FN1: variants seen among roughly 807,000 people sequenced by gnomAD.
FN1 encodes fibronectin 1.
Under a neutral mutation model 297.3 loss-of-function variants are expected in FN1, and 106 were observed. That is an observed-to-expected ratio of 0.36 (90% CI 0.30 to 0.42). The LOEUF is 0.42. FN1 is among the 10% of genes least tolerant of loss of function. The pLI is 1.00. For synonymous variants in FN1, 1,149 were observed against 1,152.6 expected (o/e 1.00, Z 0.06); for missense variants, 2,690 against 3,124.9 (o/e 0.86, Z 3.32).
At chr2:215,368,893 T>C (rs1212646912) in intron 41 of FN1, among the ~76,000 whole-genome samples, 1 of 152,196 alleles carries the variant, frequency 6.6e-6, no homozygotes, top group Admixed American at 6.5e-5. Context: ...CCCTAAAAAT[T>C]AGATAAACTA....
intron 26 of FN1, among the ~76,000 whole-genome samples, chr2:215,391,083 T>C (rs1226210879): frequency 1.3e-5 from 2 of 152,238 alleles, no homozygotes; most frequent in Admixed American, 6.5e-5. Context: ...CAGTTTTTTT[T>C]CTAAGCTCTC....
At chr2:215,364,666 T>C in intron 44 of FN1, 1 of 598,818 alleles carries the variant, frequency 1.7e-6, no homozygotes, top group Admixed American at 2.8e-5. Context: ...TCATTCATTC[T>C]TTCTACTAAG....
At chr2:215,362,280 C>T (rs1428802854) in intron 44 of FN1, 2 of 590,718 alleles carry the variant, frequency 3.4e-6, no homozygotes, top group African/African-American at 1.9e-5. Context: ...CTTATACCTA[C>T]ATCTGTCTCT....
In FN1 at chr2:215,435,706, C is replaced by G; in HGVS notation, c.97G>C (p.Ala33Pro). The G allele has an allele frequency of 1.2e-6, 2 of 1,612,858 alleles. No homozygotes were observed. The highest frequency in any genetic ancestry group is 1.7e-6 in the Non-Finnish European group (2 of 1,179,754). ...GACTGGGGCTGAACCATTTGCTGAG[C>G]CTGCCTCTTGCTCTTCGAGGCTCCC... ...STGASKSKRQ[A>P]QQMVQPQSPV... Residue 33 changes from alanine (A) to proline (P), a missense_variant, in exon 1 of 46, where the codon GCT becomes CCT. Physicochemically the swap from Ala to Pro is conservative, Grantham distance 27. This residue lies in a region of FN1 where 876 missense variants were observed against 1,058.1 expected (regional missense o/e 0.83). Transcript: ENST00000354785.
chr2:215,372,381 CGA>C lies in FN1; in HGVS notation c.6248-8_6248-7del. On this transcript the variant is annotated splice_region_variant and splice_polypyrimidine_tract_variant and intron_variant, in intron 39 of 45. Coordinates refer to ENST00000354785, the MANE Select transcript of FN1 (RefSeq NM_212482.4). ...TACCAGTTGGGGAAGCTCGTCTAGC[CGA>C]GAGAGGTTAGAGCCAAAAAAGCAAA... The C allele has an allele frequency of 6.2e-7, 1 of 1,612,892 alleles. No homozygotes were observed. The highest frequency in any genetic ancestry group is 8.5e-7 in the Non-Finnish European group (1 of 1,179,048).
intron 13 of FN1, among the ~76,000 whole-genome samples, chr2:215,411,918 T>G (rs1268793964): frequency 1.3e-5 from 2 of 152,056 alleles, no homozygotes; most frequent in Non-Finnish European, 2.9e-5. Flanking sequence ...CCGCCCACCT[T>G]GGCCTCCCAA....
chr2:215,392,439 C>G (rs917626054), intron 25 of FN1: 6 of 188,950 alleles, frequency 3.2e-5, no homozygotes, highest in South Asian at 9.9e-5. Context: ...GTTTACTTTT[C>G]TCCTACCTCA....
chr2:215,380,428 C>G (rs766210821), intron 33 of FN1: 19 of 264,944 alleles, frequency 7.2e-5, no homozygotes, highest in Non-Finnish European at 1.3e-4. Flanking sequence ...CAGAATCATG[C>G]TGCTATGAAA....
At position 215,409,736 on chromosome 2, in the gene FN1, T is replaced by C; in HGVS notation, c.2126A>G (p.Asn709Ser). The change falls in exon 15 of 46, where the codon AAC (asparagine) becomes AGC (serine). Residue 709 changes from asparagine (N) to serine (S), a missense_variant. Transcript: ENST00000354785. ...GGGAGTCGTCTCTCCTGTCACGGTG[T>C]TGCCTAGAGAGTCACAGAAAGGGGA... ...TTSTSTPVTS[N>S]TVTGETTPFS... is the part of the protein sequence containing the mutation. 1 of 1,613,826 alleles carries C rather than the reference T, an allele frequency of 6.2e-7. No individual in the cohort carries two copies. Among genetic ancestry groups the C allele is most frequent in the South Asian group, 1.1e-5 (1 of 91,060 alleles).
intron 40 of FN1, chr2:215,370,645 T>A (rs1455657046): frequency 2.0e-5 from 11 of 549,016 alleles, no homozygotes; most frequent in South Asian, 1.9e-4. Flanking sequence ...CTGCCAGATT[T>A]TCCTGCCAAC....
At chr2:215,401,263 G>GAAGGAAGGAAGGAAGGAAGGAAGGAAGGA (rs201679295) in intron 20 of FN1, among the ~76,000 whole-genome samples, 849 of 73,642 alleles carry the variant, frequency 0.012, 45 homozygotes, top group Non-Finnish European at 0.013. Context: ...AGAAAGAAAG[G>GAAGGAAGGAAGGAAGGAAGGAAGGAAGGA]AAGGAAAGGA....
intron 12 of FN1, among the ~76,000 whole-genome samples, chr2:215,415,798 C>T (rs988145326): frequency 9.2e-5 from 14 of 152,016 alleles, no homozygotes; most frequent in Non-Finnish European, 8.8e-5. Context: ...GCATCAATTT[C>T]TAAGTAGTGT....
At chr2:215,433,242 G>A (rs900638719) in intron 3 of FN1, 82 bp downstream of exon 3, 1 of 1,556,722 alleles carries the variant, frequency 6.4e-7, no homozygotes, top group Non-Finnish European at 8.9e-7. Flanking sequence ...ATCCAGTCAT[G>A]GATAACAGAA....
At chr2:215,378,038 C>A in intron 35 of FN1, 137 bp downstream of exon 35, 1 of 694,122 alleles carries the variant, frequency 1.4e-6, no homozygotes, top group Admixed American at 2.0e-5. Context: ...AAACTCCTGG[C>A]CTCAAGTGAC....
At chr2:215,402,698 C>G (rs1559481408) in intron 20 of FN1, among the ~76,000 whole-genome samples, 1 of 152,278 alleles carries the variant, frequency 6.6e-6, no homozygotes, top group East Asian at 1.9e-4. Flanking sequence ...TCTCAATTAT[C>G]TATTCACCAA....
At chr2:215,375,762 A>G in intron 36 of FN1, 44 bp from the exon 37 acceptor site, 1 of 1,295,352 alleles carries the variant, frequency 7.7e-7, no homozygotes, top group Non-Finnish European at 1.1e-6. Context: ...CTTGCTTTTT[A>G]CTAGGAGAAT....
chr2:215,382,521 G>A (rs1350058378), intron 31 of FN1, among the ~76,000 whole-genome samples, 196 bp from the exon 32 acceptor site: 1 of 152,140 alleles, frequency 6.6e-6, no homozygotes, highest in Non-Finnish European at 1.5e-5. Flanking sequence ...TACCATATGG[G>A]AGTGAAGTCA....
rs1433138195 is a variant in FN1 at position 215,379,135 on chromosome 2, G to A, written c.5617C>T (p.Leu1873Phe). Residue 1873 changes from leucine to phenylalanine, a missense_variant, in exon 34 of 46, where the codon CTT (leucine) becomes TTT (phenylalanine). Transcript: ENST00000354785. ...PDSSSVVVSG[L>F]MVATKYEVSV... Reference sequence around the variant, plus strand: ...GAACAACGGTCATGTCTTACCATAAGTCCTGATACAACCACGGATGAGCTG... The same window carrying A: ...GAACAACGGTCATGTCTTACCATAAATCCTGATACAACCACGGATGAGCTG... The A allele has an allele frequency of 1.2e-6, 2 of 1,613,890 alleles. No individual in the cohort carries two copies. The highest frequency in any genetic ancestry group is 1.7e-5 in the Admixed American group (1 of 60,028).
At chr2:215,385,011 T>G in intron 28 of FN1, 35 bp from the exon 29 acceptor site, 6 of 1,361,626 alleles carry the variant, frequency 4.4e-6, no homozygotes, top group Non-Finnish European at 6.3e-6. Context: ...ACATCCGTAA[T>G]TTTCAAACAA....
Sources: allele counts gnomAD v4.1 joint callset (sites outside exome capture counted in the v4.1 genomes callset), GRCh38; gene constraint gnomAD v4.1.1; regional missense constraint gnomAD v4.1.1; transcripts MANE v1.5; gene names NCBI Gene and HGNC (gene_info 2026-07-23, HGNC 2026-07-21).